The following TCERG1L variants were observed in gnomAD, a reference collection of about 807,000 sequenced individuals.
TCERG1L encodes transcription elongation regulator 1-like protein.
TCERG1L carries 37 observed loss-of-function variants against 56.3 expected under a neutral mutation model. That is an observed-to-expected ratio of 0.66 (90% CI 0.51 to 0.87). The LOEUF (loss-of-function observed/expected upper bound fraction) is 0.87. Among genes scored for constraint, TCERG1L ranks in the 40% least tolerant of loss-of-function variants. TCERG1L has a pLI of 0.00. For synonymous variants in TCERG1L, 324 were observed against 326.3 expected (o/e 0.99, Z 0.08); for missense variants, 799 against 774.2 (o/e 1.03, Z -0.38).
Position 131,311,558 on chromosome 10 carries a change from G to A in TCERG1L, c.78C>T (p.Leu26=). ...GCGGCGGCTCTGCGTCCATCGGCCA[G>A]AGGAGAGGCTGCCGCCGCCGGGGCT... ...QQQPRRRQPL[L]WPMDAEPPPP... Residue 26 remains leucine, a synonymous_variant, in exon 1 of 12, where the codon CTC becomes CTT. Coordinates refer to ENST00000368642, the MANE Select transcript of TCERG1L (RefSeq NM_174937.4). The surrounding 1 kb of genome is among the most constrained non-coding windows in gnomAD (Gnocchi z 4.0). 1.7e-6 allele frequency: 2 copies of A among 1,167,428 alleles called. No individual in the cohort carries two copies. The highest frequency in any genetic ancestry group is 2.1e-6 in the Non-Finnish European group (2 of 946,954). The allele number at this position is 1,167,428 out of a possible 1,614,324, so 72.3% of individuals were successfully genotyped here. A position where few individuals can be genotyped will look rare whatever the true frequency, so the allele number is the denominator to read the frequency against.
chr10:131,148,839 G>A (rs1215438170), intron 6 of TCERG1L, among the ~76,000 whole-genome samples: 3 of 152,174 alleles, frequency 2.0e-5, no homozygotes, highest in Non-Finnish European at 4.4e-5. Flanking sequence ...AACTGTAAGA[G>A]AATCAATGTG....
At chr10:131,093,393 C>T (rs775360869) in intron 11 of TCERG1L, 75 bp from the exon 12 acceptor site, 99 of 1,544,138 alleles carry the variant, frequency 6.4e-5, no homozygotes, top group Middle Eastern at 1.8e-4. Context: ...GCAGCGGCAC[C>T]GCCTGAGCAA....
At chr10:131,284,825 C>A (rs112906891) in intron 3 of TCERG1L, among the ~76,000 whole-genome samples, 8,103 of 152,030 alleles carry the variant, frequency 0.053, 336 homozygotes, top group African/African-American at 0.11. Context: ...AGCTTATGAA[C>A]CCTACCAGAA....
At chr10:131,168,606 CCT>C (rs780825537) in intron 4 of TCERG1L, among the ~76,000 whole-genome samples, 14 of 152,234 alleles carry the variant, frequency 9.2e-5, no homozygotes, top group South Asian at 2.1e-4. Context: ...GCATTCCACC[CCT>C]GACTCCCCTC....
chr10:131,147,497 C>T lies in TCERG1L; in HGVS notation c.1035-837G>A, dbSNP rs575697951. ...GCAGATAAAGGCCAGCAAGGCCGGCCGGGGCTCTGGGTTTAACCCCTAAGT... is the reference window on the plus strand; with the variant it reads ...GCAGATAAAGGCCAGCAAGGCCGGCTGGGGCTCTGGGTTTAACCCCTAAGT... On this transcript the variant is annotated intron_variant, in intron 6 of 11. Transcript: ENST00000368642. 3.3e-5 allele frequency among the ~76,000 whole-genome samples: 5 copies of T among 152,334 alleles called. No individual in the cohort carries two copies. In the South Asian group the frequency reaches 1.0e-3, roughly 32 times the overall value.
At chr10:131,299,802 C>T (rs907836885) in intron 3 of TCERG1L, among the ~76,000 whole-genome samples, 1 of 152,120 alleles carries the variant, frequency 6.6e-6, no homozygotes, top group Admixed American at 6.5e-5. Flanking sequence ...AATAGCCTTA[C>T]AATTCCACAC....
rs991056569 is a variant in TCERG1L, at chr10:131,155,132, C to A, written c.1034+7990G>T. On this transcript the variant is annotated intron_variant, in intron 6 of 11. Coordinates refer to ENST00000368642, the MANE Select transcript of TCERG1L (RefSeq NM_174937.4). ...GACTGGAAGTGAGACGGTGGACAAG[C>A]TGGGTGGGGACGTCCCTGCACGGCA... is the stretch of plus-strand genomic sequence containing the variant. Among the ~76,000 whole-genome samples the A allele has an allele frequency of 2.6e-5, 4 of 152,130 alleles. No homozygotes were observed. The East Asian group carries it at 7.7e-4, about 29-fold the overall frequency.
At chr10:131,218,469 G>A (rs546782129) in intron 4 of TCERG1L, among the ~76,000 whole-genome samples, 6 of 151,742 alleles carry the variant, frequency 4.0e-5, no homozygotes, top group East Asian at 2.0e-4. Context: ...GAGCCAGATC[G>A]CTTCTGCGAT....
At chr10:131,224,290 C>T (rs976310570) in intron 4 of TCERG1L, among the ~76,000 whole-genome samples, 12 of 152,156 alleles carry the variant, frequency 7.9e-5, no homozygotes, top group African/African-American at 2.9e-4. Context: ...ACCCTGAGGT[C>T]GCTGCACGTC....
At position 131,093,119 on chromosome 10, in the gene TCERG1L, C is replaced by T. The variant is rs367993814; in HGVS notation, c.*43G>A. 1.1e-4 allele frequency: 168 copies of T among 1,595,168 alleles called. No homozygotes were observed. The highest frequency in any genetic ancestry group is 1.7e-4 in the Middle Eastern group (1 of 5,726). ...CACCGTGACCCCCTCGCCCCCGGCA[C>T]GCCCAGGGTCAACCCCCGGGCTTAT... On this transcript the variant is annotated 3_prime_UTR_variant, in exon 12 of 12. Coordinates refer to ENST00000368642, the MANE Select transcript of TCERG1L (RefSeq NM_174937.4).
intron 4 of TCERG1L, among the ~76,000 whole-genome samples, chr10:131,226,966 A>C (rs1219856062): frequency 6.6e-6 from 1 of 152,236 alleles, no homozygotes; most frequent in Non-Finnish European, 1.5e-5. Context: ...GCAGCACGAG[A>C]GCAGCTGCTC....
chr10:131,232,283 A>G (rs1263390083), intron 4 of TCERG1L, among the ~76,000 whole-genome samples: 1 of 152,206 alleles, frequency 6.6e-6, no homozygotes, highest in Non-Finnish European at 1.5e-5. Flanking sequence ...TCCAGACCCC[A>G]CAACAGCCAG....
chr10:131,214,979 T>G (rs2133492165), intron 4 of TCERG1L, among the ~76,000 whole-genome samples: 1 of 152,352 alleles, frequency 6.6e-6, no homozygotes, highest in South Asian at 2.1e-4. Context: ...GCCCTGTTTC[T>G]GCCCTCACTC....
At chr10:131,211,299 G>A (rs558588266) in intron 4 of TCERG1L, among the ~76,000 whole-genome samples, 19 of 152,340 alleles carry the variant, frequency 1.2e-4, no homozygotes, top group Middle Eastern at 3.4e-3. Flanking sequence ...GGCTAGAACC[G>A]GATCAGATGC....
chr10:131,220,837 T>G (rs1845723539), intron 4 of TCERG1L, among the ~76,000 whole-genome samples: 1 of 152,130 alleles, frequency 6.6e-6, no homozygotes, highest in African/African-American at 2.4e-5. Flanking sequence ...CCTCGGGGGC[T>G]CCGAGGGTTT....
At chr10:131,182,876 A>C (rs1845196336) in intron 4 of TCERG1L, among the ~76,000 whole-genome samples, 1 of 152,240 alleles carries the variant, frequency 6.6e-6, no homozygotes, top group Non-Finnish European at 1.5e-5. Context: ...TCTAAAGGAA[A>C]GTTATTCCAG....
At chr10:131,201,046 T>C (rs1472929247) in intron 4 of TCERG1L, among the ~76,000 whole-genome samples, 1 of 152,204 alleles carries the variant, frequency 6.6e-6, no homozygotes, top group Non-Finnish European at 1.5e-5. Flanking sequence ...GCAGCTTTTG[T>C]GGTCTCATGA....
In TCERG1L at chr10:131,260,212, C is replaced by T. The variant is rs757122420; in HGVS notation, c.856+47G>A. On this transcript the variant is annotated intron_variant, in intron 4 of 11. Coordinates refer to ENST00000368642, the MANE Select transcript of TCERG1L (RefSeq NM_174937.4). The surrounding 1 kb of genome is among the most constrained non-coding windows in gnomAD (Gnocchi z 5.8). ...GGCATCTAACCAGGAAGCCTCCGCG[C>T]GCTCGCTAAGGCAGCACCAGGCGTC... 73 of 1,313,204 alleles carry T rather than the reference C, an allele frequency of 5.6e-5. No homozygotes were observed. Among genetic ancestry groups the T allele is most frequent in the Non-Finnish European group, 6.4e-5 (66 of 1,028,554 alleles). 81.3% of individuals were successfully genotyped at this position (1,313,204 alleles called of 1,614,324 possible).
intron 4 of TCERG1L, among the ~76,000 whole-genome samples, chr10:131,202,892 ATAAT>A (rs1249220052): frequency 6.6e-6 from 1 of 152,214 alleles, no homozygotes; most frequent in Non-Finnish European, 1.5e-5. Context: ...AAACACTTAA[ATAAT>A]TAAGTCTGCC....
Sources: allele counts gnomAD v4.1 joint callset (sites outside exome capture counted in the v4.1 genomes callset), GRCh38; gene constraint gnomAD v4.1.1; non-coding constraint Gnocchi (gnomAD v3.1); transcripts MANE v1.5; gene names NCBI Gene and HGNC (gene_info 2026-07-23, HGNC 2026-07-21).